Variants in SDK1 observed in about 807,000 individuals in gnomAD.
SDK1 encodes protein sidekick-1.
A neutral mutation model predicts 245.5 loss-of-function variants in SDK1; 157 were observed. The observed-to-expected ratio is 0.64, with a 90% CI of 0.56 to 0.73. SDK1 has a LOEUF of 0.73. SDK1 is among the 30% of genes least tolerant of loss of function. The pLI, the probability that SDK1 is intolerant of heterozygous loss-of-function variation, is 0.00. For missense variants in SDK1, 3,583 were observed against 3,002.3 expected (o/e 1.19, Z -4.52); for synonymous variants, 1,647 against 1,278.5 (o/e 1.29, Z -6.15).
chr7:4,145,864 G>A lies in SDK1; in HGVS notation c.4371G>A (p.Arg1457=). The A allele has an allele frequency of 6.2e-7, 1 of 1,613,638 alleles. No individual in the cohort carries two copies. The highest frequency in any genetic ancestry group is 8.5e-7 in the Non-Finnish European group (1 of 1,179,898). The change falls in exon 29 of 45, where the codon AGG becomes AGA. Residue 1457 remains arginine, a synonymous_variant. Transcript: ENST00000404826. ...TCTTCAGGCTGTCCGCCAAGACGAGGCAGGGCTGGGGGGAGCCACTGGAGG... is the reference window on the plus strand; with the variant it reads ...TCTTCAGGCTGTCCGCCAAGACGAGACAGGGCTGGGGGGAGCCACTGGAGG... The part of the protein sequence containing the change: ...AYIFRLSAKT[R]QGWGEPLEAT...
At chr7:3,850,252 G>T (rs1170778664) in intron 5 of SDK1, among the ~76,000 whole-genome samples, 1 of 152,190 alleles carries the variant, frequency 6.6e-6, no homozygotes, top group East Asian at 1.9e-4. Context: ...ATCCTCATCT[G>T]TCAAAGGGGA....
intron 4 of SDK1, among the ~76,000 whole-genome samples, chr7:3,680,828 ATTATTTAT>A (rs552614393): frequency 6.6e-6 from 1 of 151,916 alleles, no homozygotes; most frequent in Non-Finnish European, 1.5e-5. Flanking sequence ...TGTATTTCTT[ATTATTTAT>A]TTATTTATTT....
intron 5 of SDK1, among the ~76,000 whole-genome samples, chr7:3,918,929 T>G (rs1165996164): frequency 1.3e-5 from 2 of 152,250 alleles, no homozygotes; most frequent in Non-Finnish European, 2.9e-5. Flanking sequence ...GCTTTTCAGA[T>G]TGATGTGTTA....
intron 28 of SDK1, among the ~76,000 whole-genome samples, chr7:4,142,267 A>T (rs551544986): frequency 6.6e-6 from 1 of 150,998 alleles, no homozygotes; most frequent in African/African-American, 2.4e-5. Context: ...AGATGCCTGA[A>T]CTTAACACTG....
At position 3,951,008 on chromosome 7, in the gene SDK1, C is replaced by T. The variant is rs1352739503; in HGVS notation, c.933C>T (p.Thr311=). 6.2e-7 allele frequency: 1 copy of T among 1,613,822 alleles called. No homozygotes were observed. Among genetic ancestry groups the T allele is most frequent in the East Asian group, 2.2e-5 (1 of 44,878 alleles). ...GTGTGGTGGCTGGATCCAGTGAGACCACCTTGGAATGTATAGCCAGTGCCA... is the reference window on the plus strand; with the variant it reads ...GTGTGGTGGCTGGATCCAGTGAGACTACCTTGGAATGTATAGCCAGTGCCA... ...NRSVVAGSSE[T]TLECIASARP... is the part of the protein sequence containing the mutation. Residue 311 remains threonine, a synonymous_variant, in exon 6 of 45, where the codon ACC becomes ACT. Coordinates refer to ENST00000404826, the MANE Select transcript of SDK1 (RefSeq NM_152744.4).
At chr7:3,487,447 T>C (rs1336157481) in intron 1 of SDK1, among the ~76,000 whole-genome samples, 1 of 151,954 alleles carries the variant, frequency 6.6e-6, no homozygotes, top group Non-Finnish European at 1.5e-5. Flanking sequence ...AAAAAAATCT[T>C]AGAAATTGCA....
At chr7:3,760,891 C>G (rs932677376) in intron 4 of SDK1, among the ~76,000 whole-genome samples, 9 of 152,186 alleles carry the variant, frequency 5.9e-5, no homozygotes, top group African/African-American at 2.2e-4. Context: ...CCTTTTAACG[C>G]TGAGTAGTGA....
chr7:4,130,939 C>T (rs943230012), intron 27 of SDK1, among the ~76,000 whole-genome samples: 1 of 152,138 alleles, frequency 6.6e-6, no homozygotes, highest in African/African-American at 2.4e-5. Flanking sequence ...CTCTTAACTG[C>T]TGAGTGGAAA....
At chr7:4,171,148 A>G (rs1781813249) in intron 32 of SDK1, among the ~76,000 whole-genome samples, 1 of 152,114 alleles carries the variant, frequency 6.6e-6, no homozygotes, top group African/African-American at 2.4e-5. Flanking sequence ...TGCTGGAGAA[A>G]GGGGTCAGTG....
chr7:4,242,435 C>G (rs553751907), intron 43 of SDK1, among the ~76,000 whole-genome samples: 1 of 152,268 alleles, frequency 6.6e-6, no homozygotes, highest in Admixed American at 6.5e-5. Flanking sequence ...GCTTATAATC[C>G]TTTTCCTAAA....
chr7:3,481,447 C>G (rs1432671278), intron 1 of SDK1, among the ~76,000 whole-genome samples: 4 of 152,158 alleles, frequency 2.6e-5, no homozygotes, highest in African/African-American at 9.7e-5. Flanking sequence ...CTAGATATGC[C>G]CTCTACACGC....
At chr7:3,442,383 C>T (rs1396299810) in intron 1 of SDK1, among the ~76,000 whole-genome samples, 1 of 152,188 alleles carries the variant, frequency 6.6e-6, no homozygotes, top group Admixed American at 6.5e-5. Flanking sequence ...TGATCAGTTA[C>T]ATAAAGACCA....
chr7:3,921,648 C>T (rs1355539474), intron 5 of SDK1, among the ~76,000 whole-genome samples: 1 of 152,076 alleles, frequency 6.6e-6, no homozygotes, highest in African/African-American at 2.4e-5. Flanking sequence ...CTGATTCCTG[C>T]AGGCCTGTTG....
chr7:3,999,950 T>A (rs1784951728), intron 14 of SDK1, among the ~76,000 whole-genome samples: 1 of 152,136 alleles, frequency 6.6e-6, no homozygotes, highest in African/African-American at 2.4e-5. Context: ...AACAAAGAGC[T>A]GCACAAAGCT....
At chr7:3,546,486 C>G (rs891648286) in intron 1 of SDK1, among the ~76,000 whole-genome samples, 10 of 152,298 alleles carry the variant, frequency 6.6e-5, no homozygotes, top group South Asian at 2.1e-4. Flanking sequence ...GATTGAGAAT[C>G]ATGGACACTT....
chr7:3,742,862 C>A (rs1361257431), intron 4 of SDK1, among the ~76,000 whole-genome samples: 2 of 151,974 alleles, frequency 1.3e-5, no homozygotes, highest in African/African-American at 4.8e-5. Context: ...GAAAAGAAAC[C>A]CACAGAGAAA....
chr7:3,692,655 G>C (rs1784467374), intron 4 of SDK1, among the ~76,000 whole-genome samples: 1 of 151,796 alleles, frequency 6.6e-6, no homozygotes, highest in Non-Finnish European at 1.5e-5. Context: ...AGATAATCTA[G>C]AATTGGAATT....
chr7:4,149,145 T>C, intron 29 of SDK1, 117 bp from the exon 30 acceptor site: 2 of 686,350 alleles, frequency 2.9e-6, no homozygotes, highest in Non-Finnish European at 2.2e-6. Context: ...GTCCAAGGCA[T>C]GCAGGCAGCT....
At chr7:3,702,210 C>T (rs956665235) in intron 4 of SDK1, among the ~76,000 whole-genome samples, 1 of 152,132 alleles carries the variant, frequency 6.6e-6, no homozygotes, top group African/African-American at 2.4e-5. Flanking sequence ...CTGTAATAAA[C>T]TATTTCTAAG....
Sources: gnomAD v4.1 joint callset for allele counts (sites outside exome capture counted in the v4.1 genomes callset) on GRCh38, gnomAD v4.1.1 for gene constraint, MANE v1.5 for transcripts, NCBI Gene and HGNC (gene_info 2026-07-23, HGNC 2026-07-21) for gene names.